The following SHBG variants were observed in gnomAD, a reference collection of about 807,000 sequenced individuals.
The protein encoded by SHBG is sex hormone binding globulin, also known as sex hormone-binding globulin.
A neutral mutation model predicts 41.9 loss-of-function variants in SHBG; 37 were observed. The observed-to-expected ratio is 0.88, with a 90% confidence interval of 0.68 to 1.16. SHBG has a LOEUF of 1.16. Ranked by LOEUF, SHBG falls within the 50% of genes most tolerant of loss-of-function variation. The pLI is 0.00. For missense variants in SHBG, 466 were observed against 499.9 expected (o/e 0.93, Z 0.65); for synonymous variants, 217 against 205.8 (o/e 1.05, Z -0.47).
rs957936343 is a variant in SHBG at position 7,630,797 on chromosome 17, C to A, written c.321C>A (p.Ile107=). The stretch of plus-strand genomic sequence containing the variant: ...GACTTCGAGACGGCAGGCCTGAGAT[C>A]CAACTGCACAATCACTGGGCCCAGC... The part of the protein sequence containing the change: ...MLGLRDGRPE[I]QLHNHWAQLT... Residue 107 remains isoleucine, a synonymous_variant, in exon 3 of 8, where the codon ATC becomes ATA. Transcript: ENST00000380450. This position sits in a 1 kb window ranked among gnomAD's most constrained non-coding sequence, Gnocchi z 4.6. The A allele has an allele frequency of 2.5e-6, 4 of 1,614,072 alleles. No individual in the cohort carries two copies. Among genetic ancestry groups the A allele is most frequent in the Non-Finnish European group, 2.5e-6 (3 of 1,180,016 alleles).
rs532938410 is a variant in SHBG, at chr17:7,630,204, G to T, written c.32G>T (p.Arg11Leu). Residue 11 changes from arginine to leucine, a missense_variant, in exon 1 of 8, where the codon CGC (arginine) becomes CTC (leucine). Arg to Leu is a moderately radical substitution (Grantham distance 102). Coordinates refer to ENST00000380450, the MANE Select transcript of SHBG (RefSeq NM_001040.5). The surrounding 1 kb of genome is among the most constrained non-coding windows in gnomAD (Gnocchi z 4.6). MESRGPLATS[R>L]LLLLLLLLLL... ...AGCAGAGGCCCACTGGCTACCTCGCGCCTGCTGCTGTTGCTGCTGTTGCTA... is the reference window on the plus strand; with the variant it reads ...AGCAGAGGCCCACTGGCTACCTCGCTCCTGCTGCTGTTGCTGCTGTTGCTA... 4.9e-5 allele frequency: 79 copies of T among 1,613,564 alleles called. 1 individual carries two copies. The South Asian group carries it at 8.2e-4, about 17-fold the overall frequency.
intron 1 of SHBG, among the ~76,000 whole-genome samples, chr17:7,616,467 A>C (rs1237310432): frequency 8.0e-6 from 1 of 124,728 alleles, no homozygotes; most frequent in Non-Finnish European, 1.9e-5. Context: ...AAAAAAAAAA[A>C]AAAAAAAATT....
At chr17:7,615,408 C>A (rs897571678) in intron 1 of SHBG, among the ~76,000 whole-genome samples, 7 of 152,212 alleles carry the variant, frequency 4.6e-5, no homozygotes, top group African/African-American at 1.7e-4. Context: ...CTGAGCTTTA[C>A]CCTCTTCGCG....
At chr17:7,624,270 CAG>C (rs561038507), upstream of SHBG, among the ~76,000 whole-genome samples, 2 of 151,602 alleles carry the variant, frequency 1.3e-5, no homozygotes, top group African/African-American at 2.4e-5. Context: ...TTTTTTGAGA[CAG>C]AGTCTCCATC....
At chr17:7,631,400 G>C (rs370509929) in intron 4 of SHBG, 39 bp downstream of exon 4, 6 of 1,605,478 alleles carry the variant, frequency 3.7e-6, no homozygotes, top group Middle Eastern at 2.1e-4. Context: ...GCCAAGACTT[G>C]GTAAAGCACT....
At chr17:7,629,851 G>T (rs1320278853), upstream of SHBG, among the ~76,000 whole-genome samples, 1 of 152,150 alleles carries the variant, frequency 6.6e-6, no homozygotes, top group East Asian at 1.9e-4. Flanking sequence ...CTCCCCGAGT[G>T]GACAGAAATC....
intron 1 of SHBG, among the ~76,000 whole-genome samples, chr17:7,620,535 G>T (rs1214678600): frequency 4.6e-5 from 7 of 152,042 alleles, no homozygotes; most frequent in African/African-American, 1.7e-4. Flanking sequence ...TAGCCAGGCT[G>T]GTCTCGAACT....
intron 3 of SHBG, 48 bp from the exon 4 acceptor site, chr17:7,631,152 A>G: frequency 6.7e-7 from 1 of 1,492,698 alleles, no homozygotes. Context: ...GGAAGGTGGC[A>G]GAAACAGATC....
chr17:7,618,820 C>A (rs188726998), intron 1 of SHBG, among the ~76,000 whole-genome samples: 1 of 152,082 alleles, frequency 6.6e-6, no homozygotes. Flanking sequence ...ATCCCAATTG[C>A]GCAGCCTCAA....
In SHBG at chr17:7,631,642, G is replaced by C. The variant is rs755177340; in HGVS notation, c.609G>C (p.Gln203His). 6.2e-7 allele frequency: 1 copy of C among 1,614,104 alleles called. No homozygotes were observed. Among genetic ancestry groups the C allele is most frequent in the African/African-American group, 1.3e-5 (1 of 75,010 alleles). The change falls in exon 5 of 8, where the codon CAG becomes CAC. Residue 203 changes from glutamine to histidine, a missense_variant. Coordinates refer to ENST00000380450, the MANE Select transcript of SHBG (RefSeq NM_001040.5). ...CLRRDSWLDK[Q>H]AEISASAPTS... ...GCCGGGATTCCTGGCTGGACAAACAGGCCGAGATCTCAGCATCTGCCCCCA... is the reference window on the plus strand; with the variant it reads ...GCCGGGATTCCTGGCTGGACAAACACGCCGAGATCTCAGCATCTGCCCCCA...
In SHBG at chr17:7,630,537, TC is replaced by T. The variant is rs1567766260; in HGVS notation, c.203+34del. 5.7e-6 allele frequency: 9 copies of T among 1,591,772 alleles called. No homozygotes were observed. The highest frequency in any genetic ancestry group is 2.2e-5 in the East Asian group (1 of 44,772). ...GGGGTTGGCCTAGCCCTTGACCCAG[TC>T]CCCTGGTTCTGCCCTCTCTCCATCA... On this transcript the variant is annotated intron_variant, in intron 2 of 7. Coordinates refer to ENST00000380450, the MANE Select transcript of SHBG (RefSeq NM_001040.5). This position sits in a 1 kb window ranked among gnomAD's most constrained non-coding sequence, Gnocchi z 4.6.
chr17:7,620,567 C>T (rs550650780), intron 1 of SHBG, among the ~76,000 whole-genome samples: 9 of 151,308 alleles, frequency 5.9e-5, no homozygotes, highest in African/African-American at 1.9e-4. Flanking sequence ...GTGATCCACC[C>T]GCCTCAGCCT....
Position 7,630,639 on chromosome 17 carries a change from G to T in SHBG, c.204-41G>T. On this transcript the variant is annotated intron_variant, in intron 2 of 7. Coordinates refer to ENST00000380450, the MANE Select transcript of SHBG (RefSeq NM_001040.5). This position sits in a 1 kb window ranked among gnomAD's most constrained non-coding sequence, Gnocchi z 4.6. ...CCCAAACCCACACTGGTTCTCAAAG[G>T]ACACATGACATACACAATCTTTCCT... is the stretch of plus-strand genomic sequence containing the variant. 1 of 1,588,590 alleles carries T rather than the reference G, an allele frequency of 6.3e-7. No homozygotes were observed. Among genetic ancestry groups the T allele is most frequent in the South Asian group, 1.1e-5 (1 of 90,298 alleles).
At chr17:7,616,432 C>G (rs1469403150) in intron 1 of SHBG, among the ~76,000 whole-genome samples, 2 of 130,516 alleles carry the variant, frequency 1.5e-5, no homozygotes, top group Non-Finnish European at 3.2e-5. Context: ...ACGGTGAAAC[C>G]CCATCTCAAC....
chr17:7,633,361 C>T lies in SHBG; in HGVS notation c.*9C>T, dbSNP rs771571754. On this transcript the variant is annotated 3_prime_UTR_variant, in exon 8 of 8. Transcript: ENST00000380450. ...CTGACGCTTCCCATTAAAGCTCCACCTAAGAACCCCCTTTGAAAGTTACTG... is the reference window on the plus strand; with the variant it reads ...CTGACGCTTCCCATTAAAGCTCCACTTAAGAACCCCCTTTGAAAGTTACTG... 13 of 1,612,606 alleles carry T rather than the reference C, an allele frequency of 8.1e-6. No homozygotes were observed. Among genetic ancestry groups the T allele is most frequent in the Non-Finnish European group, 1.1e-5 (13 of 1,179,432 alleles).
chr17:7,625,250 G>A (rs2072174245), upstream of SHBG, among the ~76,000 whole-genome samples: 1 of 151,630 alleles, frequency 6.6e-6, no homozygotes. Context: ...AGCCCGGCCA[G>A]GCATGAGCTT....
chr17:7,630,149 C>T lies in SHBG; in HGVS notation c.-24C>T. On this transcript the variant is annotated 5_prime_UTR_variant, in exon 1 of 8. Transcript: ENST00000380450. The surrounding 1 kb of genome is among the most constrained non-coding windows in gnomAD (Gnocchi z 4.6). ...CACATTCTCCCAAGAGTTGTCTGAG[C>T]CGCCGAGTGGACAGTGGCTGATTAT... 2 of 1,589,254 alleles carry T rather than the reference C, an allele frequency of 1.3e-6. No homozygotes were observed. The highest frequency in any genetic ancestry group is 8.6e-7 in the Non-Finnish European group (1 of 1,157,762).
At position 7,631,611 on chromosome 17, in the gene SHBG, G is replaced by A. The variant is rs773846491; in HGVS notation, c.578G>A (p.Cys193Tyr). 6.2e-7 allele frequency: 1 copy of A among 1,614,152 alleles called. No individual in the cohort carries two copies. The highest frequency in any genetic ancestry group is 8.5e-7 in the Non-Finnish European group (1 of 1,180,022). The change falls in exon 5 of 8, where the codon TGC becomes TAC. Residue 193 changes from cysteine to tyrosine, a missense_variant. Coordinates refer to ENST00000380450, the MANE Select transcript of SHBG (RefSeq NM_001040.5). ...CAGCTGGTTCCTGCCCTGGATGGCT[G>A]CCTGCGCCGGGATTCCTGGCTGGAC... is the stretch of plus-strand genomic sequence containing the variant. ...RLPLVPALDGCLRRDSWLDKQ... is the reference protein window; with the variant it reads ...RLPLVPALDGYLRRDSWLDKQ...
At chr17:7,623,688 G>A (rs1188239912), upstream of SHBG, among the ~76,000 whole-genome samples, 1 of 151,974 alleles carries the variant, frequency 6.6e-6, no homozygotes, top group Non-Finnish European at 1.5e-5. Context: ...TTGAACTCTT[G>A]GACTCTATTG....
Sources: gnomAD v4.1 joint callset for allele counts (sites outside exome capture counted in the v4.1 genomes callset) on GRCh38, gnomAD v4.1.1 for gene constraint, Gnocchi (gnomAD v3.1) non-coding constraint, MANE v1.5 for transcripts, NCBI Gene and HGNC (gene_info 2026-07-23, HGNC 2026-07-21) for gene names.